ALS2: variants seen among roughly 807,000 people sequenced by gnomAD.
ALS2 encodes alsin Rho guanine nucleotide exchange factor ALS2.
ALS2 carries 117 observed loss-of-function variants against 203.4 expected under a neutral mutation model. The observed-to-expected ratio is 0.58, with a 90% CI of 0.50 to 0.67. The LOEUF is 0.67. ALS2 is among the 30% of genes least tolerant of loss of function. The probability of loss-of-function intolerance (pLI) is 0.00; values close to 1 mark genes in which losing one functional copy is unlikely to be tolerated. For missense variants in ALS2, 1,715 were observed against 1,989.4 expected (o/e 0.86, Z 2.62); for synonymous variants, 718 against 725.9 (o/e 0.99, Z 0.17).
chr2:201,731,156 A>G (rs1691529780), intron 13 of ALS2, among the ~76,000 whole-genome samples: 1 of 152,288 alleles, frequency 6.6e-6, no homozygotes, highest in African/African-American at 2.4e-5. Context: ...CAATTCTGAG[A>G]GTCACTCATT....
rs1693718659 is a variant in ALS2 at position 201,760,849 on chromosome 2, C to G, written c.1113+32G>C. 2.5e-6 allele frequency: 4 copies of G among 1,598,414 alleles called. No homozygotes were observed. The East Asian group carries it at 8.9e-5, about 36-fold the overall frequency. ...AAAGCCCATACAGTTCAACTCTAGA[C>G]ACACTTTTATTTTATAAAATTGAGC... is the stretch of plus-strand genomic sequence containing the variant. On this transcript the variant is annotated intron_variant, in intron 4 of 33. Transcript: ENST00000264276.
intron 20 of ALS2, 55 bp downstream of exon 20, chr2:201,725,301 G>A (rs912534067): frequency 2.5e-5 from 37 of 1,463,638 alleles, no homozygotes; most frequent in Non-Finnish European, 3.4e-5. Flanking sequence ...AAACATTCAG[G>A]TTTACATGGT....
intron 14 of ALS2, 29 bp downstream of exon 14, chr2:201,729,013 TGTTTGCTAGG>T: frequency 6.2e-7 from 1 of 1,613,990 alleles, no homozygotes; most frequent in Non-Finnish European, 8.5e-7. Flanking sequence ...AAATGGTTGC[TGTTTGCTAGG>T]GTAACAAATG....
intron 25 of ALS2, among the ~76,000 whole-genome samples, chr2:201,713,488 T>C (rs1318632748): frequency 6.6e-6 from 1 of 152,204 alleles, no homozygotes; most frequent in Non-Finnish European, 1.5e-5. Flanking sequence ...CATGAGGCTG[T>C]GTTCACTTTT....
At chr2:201,780,460 A>G (rs1328234686) in intron 1 of ALS2, among the ~76,000 whole-genome samples, 1 of 152,248 alleles carries the variant, frequency 6.6e-6, no homozygotes, top group Non-Finnish European at 1.5e-5. Flanking sequence ...GCAGGGTTCC[A>G]GGCCACGGAC....
intron 13 of ALS2, among the ~76,000 whole-genome samples, chr2:201,729,677 A>G (rs970080731): frequency 2.6e-5 from 4 of 152,010 alleles, no homozygotes. Context: ...TCAGGAGATC[A>G]AGACCATCCT....
chr2:201,748,206 G>T (rs1314708131), intron 8 of ALS2, among the ~76,000 whole-genome samples: 3 of 150,602 alleles, frequency 2.0e-5, no homozygotes, highest in Admixed American at 6.6e-5. Context: ...TGTGTGTGTT[G>T]TGTGTGTGTG....
intron 32 of ALS2, 45 bp from the exon 33 acceptor site, chr2:201,704,263 T>C: frequency 6.4e-7 from 1 of 1,559,574 alleles, no homozygotes. Flanking sequence ...CACTTACATG[T>C]CCATTCTCCT....
At chr2:201,710,823 A>G (rs143204458) in intron 26 of ALS2, among the ~76,000 whole-genome samples, 168 bp downstream of exon 26, 130 of 152,322 alleles carry the variant, frequency 8.5e-4, no homozygotes, top group African/African-American at 3.1e-3. Flanking sequence ...TAATGGGACA[A>G]TCTTTAGGTA....
intron 1 of ALS2, among the ~76,000 whole-genome samples, chr2:201,777,483 T>C (rs1050268692): frequency 3.3e-5 from 5 of 152,182 alleles, no homozygotes; most frequent in African/African-American, 1.2e-4. Flanking sequence ...TAAATAAAAA[T>C]GTTAAAGTGC....
At chr2:201,708,691 T>C (rs74722612) in intron 27 of ALS2, among the ~76,000 whole-genome samples, 1 of 152,244 alleles carries the variant, frequency 6.6e-6, no homozygotes, top group Admixed American at 6.5e-5. Flanking sequence ...GAATTTTTTT[T>C]CCTGGGCTTT....
chr2:201,728,937 G>A (rs1002509220), intron 14 of ALS2, 115 bp downstream of exon 14: 2 of 1,499,290 alleles, frequency 1.3e-6, no homozygotes, highest in Non-Finnish European at 1.9e-6. Context: ...TTTTAGGAAA[G>A]GGGTCATTAA....
At chr2:201,736,158 A>G (rs1223971875) in intron 12 of ALS2, among the ~76,000 whole-genome samples, 1 of 152,150 alleles carries the variant, frequency 6.6e-6, no homozygotes, top group South Asian at 2.1e-4. Context: ...ACAACAAACA[A>G]TAAGTCCATC....
At chr2:201,741,493 T>C (rs1410478481) in intron 11 of ALS2, 181 bp downstream of exon 11, 5 of 647,604 alleles carry the variant, frequency 7.7e-6, no homozygotes, top group Non-Finnish European at 1.3e-5. Context: ...TTTTTTTTCA[T>C]TTAGAGAAGA....
At chr2:201,723,230 G>T in intron 22 of ALS2, 100 bp downstream of exon 22, 1 of 1,379,432 alleles carries the variant, frequency 7.2e-7, no homozygotes, top group South Asian at 1.2e-5. Context: ...AAGGAAAATA[G>T]TACTAAGAAG....
intron 1 of ALS2, among the ~76,000 whole-genome samples, chr2:201,771,722 A>G (rs10207873): frequency 0.17 from 25,741 of 152,192 alleles, 2,494 homozygotes; most frequent in East Asian, 0.4. Flanking sequence ...ATGTTATTTC[A>G]TTGCTTTAAC....
intron 1 of ALS2, among the ~76,000 whole-genome samples, chr2:201,776,375 T>TG (rs1437883500): frequency 1.3e-5 from 2 of 151,902 alleles, no homozygotes; most frequent in African/African-American, 4.8e-5. Flanking sequence ...CATGGTGGAG[T>TG]GGGGGGAAAG....
At chr2:201,708,102 T>G in intron 27 of ALS2, 111 bp from the exon 28 acceptor site, 2 of 982,946 alleles carry the variant, frequency 2.0e-6, no homozygotes, top group Non-Finnish European at 1.5e-6. Context: ...CAACTAAGTA[T>G]TTTAGTTCCC....
intron 29 of ALS2, 107 bp from the exon 30 acceptor site, chr2:201,705,568 A>T: frequency 1.2e-6 from 1 of 810,896 alleles, no homozygotes; most frequent in Non-Finnish European, 2.1e-6. Flanking sequence ...CATTAAAAAG[A>T]ACTGCTCCAC....
Sources: gnomAD v4.1 joint callset for allele counts (sites outside exome capture counted in the v4.1 genomes callset) on GRCh38, gnomAD v4.1.1 for gene constraint, MANE v1.5 for transcripts, NCBI Gene and HGNC (gene_info 2026-07-23, HGNC 2026-07-21) for gene names.